RGS6: variants seen among roughly 807,000 people sequenced by gnomAD.
RGS6 encodes the protein regulator of G-protein signaling 6.
RGS6 carries 30 observed loss-of-function variants against 78.5 expected under a neutral mutation model. That is an observed-to-expected ratio of 0.38 (90% CI 0.29 to 0.52). The LOEUF (loss-of-function observed/expected upper bound fraction) is 0.52, where lower values mean the gene tolerates loss of function less well. Ranked by LOEUF, RGS6 falls within the 20% of genes least tolerant of loss-of-function variation. The pLI is 0.85. For synonymous variants in RGS6, 206 were observed against 206.0 expected, an observed-to-expected ratio of 1.00 and a Z score of 0.00; for missense variants, 495 against 609.7, an observed-to-expected ratio of 0.81 and a Z score of 1.98.
chr14:72,548,288 T>C (rs1419606788), intron 17 of RGS6, among the ~76,000 whole-genome samples: 3 of 152,052 alleles, frequency 2.0e-5, no homozygotes, highest in Non-Finnish European at 2.9e-5. Context: ...GCAGCTGGGA[T>C]GATGGGTCAA....
the RGS6 span, among the ~76,000 whole-genome samples, chr14:71,875,273 C>T: frequency 6.6e-6 from 1 of 152,084 alleles, no homozygotes; most frequent in East Asian, 1.9e-4. Flanking sequence ...CCATCTGGTC[C>T]TGGACTTTTT....
chr14:71,994,005 C>G (rs1244136652), intron 2 of RGS6, among the ~76,000 whole-genome samples: 1 of 151,340 alleles, frequency 6.6e-6, no homozygotes, highest in Middle Eastern at 3.2e-3. Flanking sequence ...TAGTTGCCTA[C>G]AAATTTATAT....
intron 2 of RGS6, among the ~76,000 whole-genome samples, chr14:71,995,181 G>T (rs1049605328): frequency 2.0e-5 from 3 of 152,044 alleles, no homozygotes; most frequent in Non-Finnish European, 4.4e-5. Flanking sequence ...TGGTTACCAT[G>T]TCCCTCTCAG....
intron 3 of RGS6, among the ~76,000 whole-genome samples, chr14:72,434,763 A>C (rs1000591809): frequency 2.0e-5 from 3 of 152,196 alleles, no homozygotes; most frequent in Admixed American, 6.5e-5. Flanking sequence ...CATTAAATTC[A>C]TATGTTTATT....
intron 2 of RGS6, among the ~76,000 whole-genome samples, chr14:72,342,603 G>T (rs1017197715): frequency 6.6e-6 from 1 of 150,420 alleles, no homozygotes; most frequent in Non-Finnish European, 1.5e-5. Context: ...GGTGGTGGAT[G>T]CCTGTAATCC....
intron 2 of RGS6, among the ~76,000 whole-genome samples, chr14:72,348,251 G>T (rs1413580064): frequency 1.3e-5 from 2 of 152,236 alleles, no homozygotes; most frequent in Non-Finnish European, 2.9e-5. Flanking sequence ...CTGTACACTG[G>T]AGTCAGGTAG....
chr14:72,395,635 A>G (rs1315571860), intron 3 of RGS6, among the ~76,000 whole-genome samples: 3 of 152,000 alleles, frequency 2.0e-5, no homozygotes, highest in Admixed American at 2.0e-4. Context: ...TGCACCCATT[A>G]ACTCGTCATT....
At chr14:72,103,364 A>C (rs2095566071) in intron 2 of RGS6, among the ~76,000 whole-genome samples, 1 of 152,238 alleles carries the variant, frequency 6.6e-6, no homozygotes, top group African/African-American at 2.4e-5. Context: ...TTTTAAATTA[A>C]CTTTTTGGTG....
At chr14:72,469,132 CCTCAA>C (rs1015805140) in intron 7 of RGS6, among the ~76,000 whole-genome samples, 9 of 152,002 alleles carry the variant, frequency 5.9e-5, no homozygotes, top group African/African-American at 2.2e-4. Flanking sequence ...TAACGGCAGC[CCTCAA>C]TGACTTTTCT....
intron 2 of RGS6, among the ~76,000 whole-genome samples, chr14:72,338,686 C>T (rs1220527915): frequency 6.6e-6 from 1 of 152,172 alleles, no homozygotes; most frequent in East Asian, 1.9e-4. Flanking sequence ...CAAACTGGGG[C>T]TTGTTATGTG....
the RGS6 span, among the ~76,000 whole-genome samples, chr14:71,873,101 T>C: frequency 6.6e-6 from 1 of 152,224 alleles, no homozygotes; most frequent in Admixed American, 6.5e-5. Flanking sequence ...GCAATAAACA[T>C]ACGTGTGCAT....
At chr14:72,308,254 G>A (rs1745920687) in intron 2 of RGS6, among the ~76,000 whole-genome samples, 1 of 152,132 alleles carries the variant, frequency 6.6e-6, no homozygotes, top group African/African-American at 2.4e-5. Flanking sequence ...AAATGCTTCT[G>A]TAGTTCCCCT....
intron 3 of RGS6, among the ~76,000 whole-genome samples, chr14:72,426,979 C>G (rs1007218861): frequency 6.6e-6 from 1 of 152,182 alleles, no homozygotes; most frequent in Non-Finnish European, 1.5e-5. Flanking sequence ...AGCTGCCCTG[C>G]TGTGAGGAAG....
chr14:72,140,950 C>G (rs1279310184), intron 2 of RGS6, among the ~76,000 whole-genome samples: 1 of 152,192 alleles, frequency 6.6e-6, no homozygotes, highest in Non-Finnish European at 1.5e-5. Flanking sequence ...ACAACTCTTA[C>G]CGTGTAAATG....
rs143420037 is a variant in RGS6 at position 72,474,671 on chromosome 14, G to C, written c.665G>C (p.Arg222Pro). The C allele has an allele frequency of 6.2e-7, 1 of 1,613,650 alleles. No individual in the cohort carries two copies. The highest frequency in any genetic ancestry group is 2.2e-5 in the East Asian group (1 of 44,862). ...GAAATGGATATCCGAAAATGTCGAC[G>C]TTTGAAGAATCCACAAAAGGTTAAA... ...TTEMDIRKCR[R>P]LKNPQKVKKS... Residue 222 changes from arginine (R) to proline (P), a missense_variant, in exon 10 of 18, where the codon CGT becomes CCT. Arg to Pro is a moderately radical substitution (Grantham distance 103). Transcript: ENST00000553525.
At chr14:72,349,300 T>TA in intron 2 of RGS6, among the ~76,000 whole-genome samples, 1 of 152,342 alleles carries the variant, frequency 6.6e-6, no homozygotes, top group South Asian at 2.1e-4. Context: ...TTCCTTGAAA[T>TA]AACAACTATT....
chr14:72,507,386 A>C (rs1449770964), intron 13 of RGS6, among the ~76,000 whole-genome samples: 1 of 152,234 alleles, frequency 6.6e-6, no homozygotes, highest in Admixed American at 6.5e-5. Context: ...TCTAGGCTCC[A>C]GAACTGTGAG....
intron 2 of RGS6, among the ~76,000 whole-genome samples, chr14:72,026,607 C>A (rs1313444900): frequency 6.6e-6 from 1 of 152,200 alleles, no homozygotes; most frequent in Non-Finnish European, 1.5e-5. Flanking sequence ...ACAGCCTCAG[C>A]TGAGCACCCA....
intron 6 of RGS6, among the ~76,000 whole-genome samples, chr14:72,463,714 C>G (rs1227801525): frequency 6.6e-6 from 1 of 152,368 alleles, no homozygotes; most frequent in South Asian, 2.1e-4. Flanking sequence ...CCTCCACTGA[C>G]CTGCACTGCT....
Sources: allele counts gnomAD v4.1 joint callset (sites outside exome capture counted in the v4.1 genomes callset), GRCh38; gene constraint gnomAD v4.1.1; transcripts MANE v1.5; gene names NCBI Gene and HGNC (gene_info 2026-07-23, HGNC 2026-07-21).